Variants in USP45 observed in about 807,000 individuals in gnomAD.
USP45 encodes ubiquitin specific peptidase 45.
USP45 carries 89 observed loss-of-function variants against 95.8 expected under a neutral mutation model. The observed-to-expected ratio is 0.93, with a 90% CI of 0.78 to 1.11. The LOEUF (loss-of-function observed/expected upper bound fraction) is 1.11, where lower values mean the gene tolerates loss of function less well. USP45 is among the 50% of genes least tolerant of loss of function. USP45 has a pLI of 0.00. For missense variants in USP45, 898 were observed against 942.5 expected, an observed-to-expected ratio of 0.95 and a Z score of 0.62; for synonymous variants, 281 against 316.2, an observed-to-expected ratio of 0.89 and a Z score of 1.18.
At position 99,435,676 on chromosome 6, in the gene USP45, T is replaced by C; in HGVS notation, c.*40A>G. 1 of 1,565,906 alleles carries C rather than the reference T, an allele frequency of 6.4e-7. No homozygotes were observed. The highest frequency in any genetic ancestry group is 1.1e-5 in the South Asian group (1 of 88,526). On this transcript the variant is annotated 3_prime_UTR_variant, in exon 18 of 18. Coordinates refer to ENST00000500704, the MANE Select transcript of USP45 (RefSeq NM_001346022.3). The stretch of plus-strand genomic sequence containing the variant: ...ATATATTATAGTTATCACTGTGGCA[T>C]TCAAAAACAAATGACCTAAATAATC...
Position 99,437,231 on chromosome 6 carries a change from C to T in USP45, c.2314+15G>A, listed in dbSNP as rs1269011100. On this transcript the variant is annotated intron_variant, in intron 17 of 17. Transcript: ENST00000500704. ...CGTTTGTTTTTAAGAATAAAATAAA[C>T]TTAGGATGGCATACCAGGCACATTT... is the stretch of plus-strand genomic sequence containing the variant. The T allele has an allele frequency of 6.3e-7, 1 of 1,593,528 alleles. No individual in the cohort carries two copies. The highest frequency in any genetic ancestry group is 1.4e-5 in the African/African-American group (1 of 73,630).
At chr6:99,490,495 T>C (rs1036794041) in intron 5 of USP45, among the ~76,000 whole-genome samples, 1 of 151,810 alleles carries the variant, frequency 6.6e-6, no homozygotes, top group Non-Finnish European at 1.5e-5. Flanking sequence ...TTAGATTTTA[T>C]AGTTCTTTAC....
At chr6:99,515,770 CTTTTTTTTTT>C (rs56926251), upstream of USP45, among the ~76,000 whole-genome samples, 5 of 88,464 alleles carry the variant, frequency 5.7e-5, no homozygotes, top group East Asian at 1.4e-3. Context: ...CCTCTGAACT[CTTTTTTTTTT>C]TTTTTTTTTT....
At chr6:99,451,380 T>C (rs1288470168) in intron 13 of USP45, among the ~76,000 whole-genome samples, 1 of 152,284 alleles carries the variant, frequency 6.6e-6, no homozygotes, top group African/African-American at 2.4e-5. Flanking sequence ...AGCATTCTTA[T>C]ACACCAATAA....
intron 9 of USP45, among the ~76,000 whole-genome samples, chr6:99,474,238 C>A (rs183377665): frequency 4.3e-4 from 66 of 152,276 alleles, no homozygotes; most frequent in African/African-American, 1.3e-3. Flanking sequence ...TGCTCTGTTG[C>A]CCAGGCTGGA....
At chr6:99,493,075 C>T (rs1007673255) in intron 5 of USP45, among the ~76,000 whole-genome samples, 1 of 151,966 alleles carries the variant, frequency 6.6e-6, no homozygotes, top group Non-Finnish European at 1.5e-5. Flanking sequence ...GTTGCCCAGG[C>T]TGGAGTGCAG....
rs2128552541 is a variant in USP45, at chr6:99,445,932, T to C, written c.1840A>G (p.Thr614Ala). ...GACTGAATTGAACATTCTTTAGAAG[T>C]AGTTATATAGCTCTGAGAAAGGGTC... is the stretch of plus-strand genomic sequence containing the variant. ...FQTLSQSYIT[T>A]SKECSIQSCL... The change falls in exon 14 of 18, where the codon ACT becomes GCT. Residue 614 changes from threonine to alanine, a missense_variant. By Grantham distance (58) the Thr-to-Ala change is moderately conservative. Transcript: ENST00000500704. 6.2e-7 allele frequency: 1 copy of C among 1,614,076 alleles called. No homozygotes were observed. The highest frequency in any genetic ancestry group is 8.5e-7 in the Non-Finnish European group (1 of 1,180,024).
chr6:99,516,790 A>C (rs189533058), upstream of USP45, among the ~76,000 whole-genome samples: 1,451 of 152,326 alleles, frequency 9.5e-3, 18 homozygotes, highest in South Asian at 0.015. Flanking sequence ...AAGAACAAGA[A>C]CAAGCAAACT....
At chr6:99,486,605 T>A (rs1793937602) in intron 7 of USP45, among the ~76,000 whole-genome samples, 1 of 121,282 alleles carries the variant, frequency 8.2e-6, no homozygotes, top group Non-Finnish European at 1.6e-5. Flanking sequence ...CATGTAAATA[T>A]ATATATAAAA....
intron 1 of USP45, among the ~76,000 whole-genome samples, chr6:99,511,480 C>G (rs920288592): frequency 3.9e-5 from 6 of 152,036 alleles, no homozygotes. Flanking sequence ...CAAAGTCTCA[C>G]TCTGATGGCC....
intron 8 of USP45, 21 bp downstream of exon 8, chr6:99,482,732 A>G: frequency 6.4e-7 from 1 of 1,572,150 alleles, no homozygotes; most frequent in Non-Finnish European, 8.6e-7. Context: ...AATTATTTAT[A>G]TTAAATGTAG....
intron 17 of USP45, among the ~76,000 whole-genome samples, chr6:99,436,307 T>C (rs1270088391): frequency 6.6e-6 from 1 of 152,132 alleles, no homozygotes; most frequent in Non-Finnish European, 1.5e-5. Flanking sequence ...ATCTCAGCAC[T>C]TGGGGAGGCT....
At chr6:99,504,544 C>A (rs1798092804) in intron 4 of USP45, among the ~76,000 whole-genome samples, 1 of 152,068 alleles carries the variant, frequency 6.6e-6, no homozygotes, top group Non-Finnish European at 1.5e-5. Flanking sequence ...AGCAGAGGAT[C>A]TGGAGAGAAA....
Position 99,466,737 on chromosome 6 carries a change from T to C in USP45, c.1042A>G (p.Asn348Asp), listed in dbSNP as rs145244724. ...CCAATAAAGATCCGATCTATGAAGT[T>C]CATTTTCACACCTTCTTTTCCATAT... ...KAYGKEGVKMNFIDRIFIGEL... is the reference protein window; with the variant it reads ...KAYGKEGVKMDFIDRIFIGEL... The change falls in exon 11 of 18, where the codon AAC (asparagine) becomes GAC (aspartate). Residue 348 changes from asparagine (N) to aspartate (D), a missense_variant. By Grantham distance (23) the Asn-to-Asp change is conservative (BLOSUM62 1). Coordinates refer to ENST00000500704, the MANE Select transcript of USP45 (RefSeq NM_001346022.3). 1.3e-5 allele frequency: 21 copies of C among 1,613,442 alleles called. No individual in the cohort carries two copies. In the East Asian group the frequency reaches 4.7e-4, roughly 36 times the overall value.
chr6:99,478,559 T>C (rs961516502), intron 8 of USP45, among the ~76,000 whole-genome samples: 6 of 152,278 alleles, frequency 3.9e-5, no homozygotes, highest in African/African-American at 1.4e-4. Context: ...TCCACTTCTA[T>C]GTTCATCACA....
intron 15 of USP45, among the ~76,000 whole-genome samples, chr6:99,440,451 A>G (rs1781311785): frequency 6.6e-6 from 1 of 152,200 alleles, no homozygotes; most frequent in African/African-American, 2.4e-5. Flanking sequence ...TATGCTTTGC[A>G]TTATGTAATG....
intron 15 of USP45, among the ~76,000 whole-genome samples, chr6:99,440,891 T>G (rs898767021): frequency 1.3e-5 from 2 of 152,202 alleles, no homozygotes; most frequent in Non-Finnish European, 2.9e-5. Context: ...TCAGCTATTG[T>G]GTTCTCCTCA....
At chr6:99,506,830 A>G (rs1798624262) in intron 4 of USP45, among the ~76,000 whole-genome samples, 1 of 152,184 alleles carries the variant, frequency 6.6e-6, no homozygotes, top group African/African-American at 2.4e-5. Context: ...CTACAACACT[A>G]GAATTCTGTA....
At chr6:99,487,668 G>C (rs1020803289) in intron 7 of USP45, among the ~76,000 whole-genome samples, 1 of 147,524 alleles carries the variant, frequency 6.8e-6, no homozygotes, top group Admixed American at 6.7e-5. Flanking sequence ...TTAGCCGGGC[G>C]CCTATAGTCC....
Sources: gnomAD v4.1 joint callset for allele counts (sites outside exome capture counted in the v4.1 genomes callset) on GRCh38, gnomAD v4.1.1 for gene constraint, MANE v1.5 for transcripts, NCBI Gene and HGNC (gene_info 2026-07-23, HGNC 2026-07-21) for gene names.